ANGPT2: variants seen among roughly 807,000 people sequenced by gnomAD.
The protein encoded by ANGPT2 is angiopoietin-2.
In ANGPT2, 28 loss-of-function variants were observed where a neutral mutation model predicts 62.9. That is an observed-to-expected ratio of 0.44 (90% CI 0.33 to 0.61). The LOEUF (loss-of-function observed/expected upper bound fraction) is 0.61, where lower values mean the gene tolerates loss of function less well. Among genes scored for constraint, ANGPT2 ranks in the 20% least tolerant of loss-of-function variants. ANGPT2 has a pLI of 0.03. For missense variants in ANGPT2, 727 were observed against 594.9 expected (o/e 1.22, Z -2.31); for synonymous variants, 284 against 207.8 (o/e 1.37, Z -3.15).
rs1335843013 is a variant in ANGPT2, at chr8:6,515,232, C to T, written c.928-454G>A. Among the ~76,000 whole-genome samples, 3 of 152,112 alleles carry T rather than the reference C, an allele frequency of 2.0e-5. No homozygotes were observed. The East Asian group carries it at 5.8e-4, about 29-fold the overall frequency. ...CCAGCCCCTGCCCCTCCACAGAGAG[C>T]TATGTGAAGGGGATACTCTTTGATC... is the stretch of plus-strand genomic sequence containing the variant. On this transcript the variant is annotated intron_variant, in intron 5 of 8. Transcript: ENST00000629816.
chr8:6,555,362 A>G (rs1380049596), intron 1 of ANGPT2, among the ~76,000 whole-genome samples: 1 of 152,138 alleles, frequency 6.6e-6, no homozygotes, highest in African/African-American at 2.4e-5. Context: ...CCCCCTGTCA[A>G]CTTCCAGAAC....
At position 6,521,214 on chromosome 8, in the gene ANGPT2, C is replaced by G. The variant is rs1244902775; in HGVS notation, c.763G>C (p.Val255Leu). 3.1e-6 allele frequency: 5 copies of G among 1,613,742 alleles called. No homozygotes were observed. The highest frequency in any genetic ancestry group is 1.3e-5 in the African/African-American group (1 of 74,908). Residue 255 changes from valine to leucine, a missense_variant, in exon 4 of 9, where the codon GTT becomes CTT. Coordinates refer to ENST00000629816, the MANE Select transcript of ANGPT2 (RefSeq NM_001118887.2). ...GACATCATAGTCAGTAAGTTATTAA[C>G]TGTCTCCATGAGATCATGTTGCTGC... ...QKQQHDLMETVNNLLTMMSTS... is the reference protein window; with the variant it reads ...QKQQHDLMETLNNLLTMMSTS...
At chr8:6,519,694 T>TAG (rs1816942770) in intron 5 of ANGPT2, among the ~76,000 whole-genome samples, 170 bp downstream of exon 5, 1 of 152,230 alleles carries the variant, frequency 6.6e-6, no homozygotes. Flanking sequence ...CAGCGGCACT[T>TAG]AGAGCCCTTG....
At position 6,553,389 on chromosome 8, in the gene ANGPT2, C is replaced by T. The variant is rs890010014; in HGVS notation, c.288+9258G>A. 2.0e-5 allele frequency among the ~76,000 whole-genome samples: 3 copies of T among 152,158 alleles called. No individual in the cohort carries two copies. The East Asian group carries it at 5.8e-4, about 29-fold the overall frequency. On this transcript the variant is annotated intron_variant, in intron 1 of 8. Coordinates refer to ENST00000629816, the MANE Select transcript of ANGPT2 (RefSeq NM_001118887.2). ...AAACCTAGCCAGCCCTCACTAGGGT[C>T]TTCTGATGGTTACATAGTTAAAAGT...
chr8:6,559,975 A>T (rs1825267551), intron 1 of ANGPT2, among the ~76,000 whole-genome samples: 1 of 152,224 alleles, frequency 6.6e-6, no homozygotes, highest in South Asian at 2.1e-4. Context: ...CGGACAGATT[A>T]AAGGGGCAGC....
At chr8:6,541,292 C>T (rs1482571757) in intron 1 of ANGPT2, among the ~76,000 whole-genome samples, 1 of 152,196 alleles carries the variant, frequency 6.6e-6, no homozygotes, top group Non-Finnish European at 1.5e-5. Flanking sequence ...TCAGTGCCCA[C>T]CCCAAGTCTC....
chr8:6,547,660 C>T (rs905376970), intron 1 of ANGPT2, among the ~76,000 whole-genome samples: 5 of 151,970 alleles, frequency 3.3e-5, no homozygotes, highest in Admixed American at 6.6e-5. Context: ...CTTTGAGTGA[C>T]GGTGTGTGAC....
At chr8:6,527,080 G>A (rs972691101) in intron 3 of ANGPT2, among the ~76,000 whole-genome samples, 4 of 152,184 alleles carry the variant, frequency 2.6e-5, no homozygotes, top group Non-Finnish European at 5.9e-5. Context: ...AGTCCCCAAG[G>A]GCAAAGGATC....
chr8:6,528,564 G>C (rs1818817546), intron 2 of ANGPT2, among the ~76,000 whole-genome samples: 1 of 152,244 alleles, frequency 6.6e-6, no homozygotes, highest in Admixed American at 6.5e-5. Flanking sequence ...TATAGCGTGA[G>C]TGTGAAGCGG....
intron 2 of ANGPT2, among the ~76,000 whole-genome samples, chr8:6,530,278 C>A (rs1210256771): frequency 1.3e-5 from 2 of 152,042 alleles, no homozygotes; most frequent in African/African-American, 4.8e-5. Context: ...GAGGCCAAGG[C>A]AGGTGGATCA....
chr8:6,534,904 T>C (rs1296344827), intron 1 of ANGPT2, among the ~76,000 whole-genome samples: 2 of 152,182 alleles, frequency 1.3e-5, no homozygotes, highest in South Asian at 4.1e-4. Flanking sequence ...TCCCCTCCGC[T>C]CATCGCCATG....
chr8:6,562,569 T>G, intron 1 of ANGPT2, 78 bp downstream of exon 1: 6 of 375,332 alleles, frequency 1.6e-5, no homozygotes, highest in Admixed American at 1.6e-4. Flanking sequence ...TTTTTTTTTT[T>G]TTGGTTGTTA....
At chr8:6,556,665 G>A (rs969583639) in intron 1 of ANGPT2, among the ~76,000 whole-genome samples, 1 of 151,902 alleles carries the variant, frequency 6.6e-6, no homozygotes, top group African/African-American at 2.4e-5. Flanking sequence ...CCAGGCTGGA[G>A]CGCAATGGCA....
intron 3 of ANGPT2, among the ~76,000 whole-genome samples, chr8:6,526,322 T>C (rs565557512): frequency 7.0e-6 from 1 of 143,146 alleles, no homozygotes; most frequent in Admixed American, 7.0e-5. Flanking sequence ...TAGTCCCAGC[T>C]ACTCAGGAGG....
At chr8:6,511,949 G>T (rs1466677135) in intron 7 of ANGPT2, among the ~76,000 whole-genome samples, 2 of 147,232 alleles carry the variant, frequency 1.4e-5, no homozygotes, top group African/African-American at 5.0e-5. Context: ...ACTGTTGCCA[G>T]TTGAAAAAAT....
At chr8:6,536,858 T>G (rs1563086131) in intron 1 of ANGPT2, among the ~76,000 whole-genome samples, 1 of 152,118 alleles carries the variant, frequency 6.6e-6, no homozygotes, top group African/African-American at 2.4e-5. Context: ...TCCTAGAATG[T>G]CTTTCTGTTT....
chr8:6,509,260 G>C (rs1198338693), intron 7 of ANGPT2, among the ~76,000 whole-genome samples, 198 bp from the exon 8 acceptor site: 2 of 151,086 alleles, frequency 1.3e-5, no homozygotes, highest in Non-Finnish European at 2.9e-5. Context: ...AGCAAAGAGG[G>C]ATGTTTTCAT....
intron 5 of ANGPT2, among the ~76,000 whole-genome samples, chr8:6,515,333 G>A (rs1019538404): frequency 6.6e-6 from 1 of 152,148 alleles, no homozygotes; most frequent in Admixed American, 6.5e-5. Flanking sequence ...ATACTAATCA[G>A]ATTTTTTGGT....
Position 6,539,689 on chromosome 8 carries a change from C to T in ANGPT2, c.289-7202G>A, listed in dbSNP as rs530815554. Among the ~76,000 whole-genome samples, 30 of 152,268 alleles carry T rather than the reference C, an allele frequency of 2.0e-4. 1 individual carries two copies. The highest frequency in any genetic ancestry group is 1.7e-3 in the South Asian group (8 of 4,820). ...GCAACCTCTGCCTCCCTGGTTCAAA[C>T]GATTCTCCCGCCTCAGCTTCCCAAG... On this transcript the variant is annotated intron_variant, in intron 1 of 8. Coordinates refer to ENST00000629816, the MANE Select transcript of ANGPT2 (RefSeq NM_001118887.2).
Sources: allele counts gnomAD v4.1 joint callset (sites outside exome capture counted in the v4.1 genomes callset), GRCh38; gene constraint gnomAD v4.1.1; transcripts MANE v1.5; gene names NCBI Gene and HGNC (gene_info 2026-07-23, HGNC 2026-07-21).